The following DIP2C variants were observed in gnomAD, a reference collection of about 807,000 sequenced individuals.
The protein encoded by DIP2C is DIP2 acetate--CoA ligase C (putative), also known as disco-interacting protein 2 homolog C.
A neutral mutation model predicts 192.4 loss-of-function variants in DIP2C; 33 were observed. That is an observed-to-expected ratio of 0.17 (90% confidence interval 0.13 to 0.23). The LOEUF (loss-of-function observed/expected upper bound fraction) is 0.23. Ranked by LOEUF, DIP2C falls within the 10% of genes least tolerant of loss-of-function variation. DIP2C has a pLI of 1.00. For synonymous variants in DIP2C, 979 were observed against 864.1 expected, an observed-to-expected ratio of 1.13 and a Z score of -2.33; for missense variants, 1,537 against 2,110.1, an observed-to-expected ratio of 0.73 and a Z score of 5.32.
In DIP2C at chr10:384,150, A is replaced by G. The variant is rs541323634; in HGVS notation, c.1757-4T>C. On this transcript the variant is annotated splice_region_variant and splice_polypyrimidine_tract_variant and intron_variant, in intron 15 of 36. Coordinates refer to ENST00000280886, the MANE Select transcript of DIP2C (RefSeq NM_014974.3). ...GATTTCACACACGCCACTTTTGCTA[A>G]AAAGAAAAATAGAAATAAGTTAACA... 23 of 1,610,054 alleles carry G rather than the reference A, an allele frequency of 1.4e-5. No homozygotes were observed. The South Asian group carries it at 2.6e-4, about 18-fold the overall frequency.
chr10:555,413 A>G (rs565006719), intron 1 of DIP2C, among the ~76,000 whole-genome samples: 48 of 152,356 alleles, frequency 3.2e-4, no homozygotes, highest in African/African-American at 1.1e-3. Flanking sequence ...GAGTAAGGAC[A>G]CGCTGGCTAC....
At chr10:549,736 T>C (rs1848491677) in intron 1 of DIP2C, among the ~76,000 whole-genome samples, 1 of 152,190 alleles carries the variant, frequency 6.6e-6, no homozygotes, top group African/African-American at 2.4e-5. Flanking sequence ...CTACTCCCGA[T>C]TCTTGCCCTG....
chr10:474,513 A>G (rs1483064342), intron 2 of DIP2C, among the ~76,000 whole-genome samples: 1 of 152,172 alleles, frequency 6.6e-6, no homozygotes, highest in Admixed American at 6.6e-5. Flanking sequence ...CCCCCGCCCC[A>G]GTCCCAAACG....
intron 1 of DIP2C, among the ~76,000 whole-genome samples, chr10:496,720 G>A (rs983395763): frequency 6.1e-5 from 9 of 148,048 alleles, no homozygotes; most frequent in Non-Finnish European, 1.3e-4. Context: ...AGTGCTGAGT[G>A]CATAGAACCC....
chr10:444,543 C>T (rs998814246), intron 3 of DIP2C, among the ~76,000 whole-genome samples: 1 of 152,046 alleles, frequency 6.6e-6, no homozygotes, highest in Non-Finnish European at 1.5e-5. Flanking sequence ...TCACCCGAGA[C>T]TTGTGTAGAT....
In DIP2C at chr10:566,805, G is replaced by T. The variant is rs574375704; in HGVS notation, c.86-80275C>A. ...AGACAGCCTGGCTCACAGGCACCAT[G>T]CGGAGCAGCGTCTATGGCTGCTGTG... On this transcript the variant is annotated intron_variant, in intron 1 of 36. Coordinates refer to ENST00000280886, the MANE Select transcript of DIP2C (RefSeq NM_014974.3). Among the ~76,000 whole-genome samples, 153 of 152,334 alleles carry T rather than the reference G, an allele frequency of 1.0e-3. 2 individuals are homozygous for T. The highest frequency in any genetic ancestry group is 3.5e-3 in the African/African-American group (147 of 41,580).
At chr10:330,078 G>C (rs748989922) in intron 29 of DIP2C, among the ~76,000 whole-genome samples, 25 of 152,166 alleles carry the variant, frequency 1.6e-4, no homozygotes, top group Non-Finnish European at 3.7e-4. Context: ...CAGTGGCTTT[G>C]AGCTGAGTGG....
At chr10:541,967 G>A (rs1048500490) in intron 1 of DIP2C, among the ~76,000 whole-genome samples, 1 of 152,170 alleles carries the variant, frequency 6.6e-6, no homozygotes, top group Admixed American at 6.5e-5. Flanking sequence ...GGGGCCTCTG[G>A]GCCGCGTGCC....
At chr10:451,574 C>G (rs993355230) in intron 3 of DIP2C, among the ~76,000 whole-genome samples, 7 of 152,178 alleles carry the variant, frequency 4.6e-5, no homozygotes, top group Admixed American at 3.3e-4. Context: ...AATTAAAGTG[C>G]TTGTGTTAGA....
chr10:606,270 C>T (rs1419800468), intron 1 of DIP2C, among the ~76,000 whole-genome samples: 1 of 152,150 alleles, frequency 6.6e-6, no homozygotes, highest in Non-Finnish European at 1.5e-5. Context: ...GGCCCCAGCA[C>T]GCTCTGTCCG....
chr10:603,369 G>T (rs1228066886), intron 1 of DIP2C, among the ~76,000 whole-genome samples: 4 of 137,080 alleles, frequency 2.9e-5, no homozygotes, highest in South Asian at 4.9e-4. Context: ...TACTAGTAAT[G>T]TGGGCAGATT....
intron 1 of DIP2C, among the ~76,000 whole-genome samples, chr10:653,435 G>A (rs752035597): frequency 4.6e-5 from 7 of 152,166 alleles, no homozygotes; most frequent in African/African-American, 9.7e-5. Flanking sequence ...GTGACAGAGC[G>A]AGACTCTTGT....
At chr10:542,367 G>C (rs574803520) in intron 1 of DIP2C, among the ~76,000 whole-genome samples, 67 of 152,352 alleles carry the variant, frequency 4.4e-4, no homozygotes, top group Admixed American at 1.8e-3. Flanking sequence ...GAGCTTTGCT[G>C]TAGGAAGAAG....
intron 17 of DIP2C, among the ~76,000 whole-genome samples, chr10:380,441 G>C (rs535179972): frequency 6.6e-6 from 1 of 152,246 alleles, no homozygotes; most frequent in Admixed American, 6.5e-5. Context: ...ACGCAGAAGA[G>C]GCTGTCCCTG....
chr10:551,282 C>T lies in DIP2C; in HGVS notation c.86-64752G>A, dbSNP rs375187769. ...TCCTCCCCACAGCCCTGGCTGCCGC[C>T]CACCCCGCCATGGAGCCTGGCATAC... On this transcript the variant is annotated intron_variant, in intron 1 of 36. Transcript: ENST00000280886. 1.1e-3 allele frequency among the ~76,000 whole-genome samples: 161 copies of T among 152,208 alleles called. 3 individuals are homozygous for T. In the East Asian group the frequency reaches 0.023, roughly 21 times the overall value.
intron 1 of DIP2C, among the ~76,000 whole-genome samples, chr10:555,239 T>TG (rs1339319630): frequency 1.3e-5 from 2 of 151,930 alleles, no homozygotes; most frequent in African/African-American, 4.8e-5. Context: ...CACTGCCCCA[T>TG]GAGGAGGTTC....
chr10:458,692 A>G (rs530764888), intron 3 of DIP2C, among the ~76,000 whole-genome samples: 30 of 148,762 alleles, frequency 2.0e-4, no homozygotes, highest in Middle Eastern at 3.6e-3. Context: ...CCAGCAGCGC[A>G]TGGCAGAGTG....
At chr10:684,976 T>C (rs1309854356) in intron 1 of DIP2C, among the ~76,000 whole-genome samples, 3 of 150,762 alleles carry the variant, frequency 2.0e-5, no homozygotes, top group African/African-American at 7.3e-5. Context: ...CTACTAAAAA[T>C]ACAAAAAATT....
intron 3 of DIP2C, among the ~76,000 whole-genome samples, chr10:443,643 C>T (rs1967921231): frequency 6.6e-6 from 1 of 152,216 alleles, no homozygotes; most frequent in Admixed American, 6.5e-5. Context: ...ATACTGGTAC[C>T]TCCTGCTGCA....
Sources: allele counts gnomAD v4.1 joint callset (sites outside exome capture counted in the v4.1 genomes callset), GRCh38; gene constraint gnomAD v4.1.1; transcripts MANE v1.5; gene names NCBI Gene and HGNC (gene_info 2026-07-23, HGNC 2026-07-21).